Variants in DCDC2C observed in about 807,000 individuals in gnomAD.
DCDC2C encodes doublecortin domain-containing protein 2C.
Under a neutral mutation model 45.0 loss-of-function variants are expected in DCDC2C, and 44 were observed. The ratio of observed to expected loss-of-function variants is 0.98; its 90% CI spans 0.77 to 1.26. The LOEUF (loss-of-function observed/expected upper bound fraction) is 1.26, where lower values mean the gene tolerates loss of function less well. Ranked by LOEUF, DCDC2C falls within the 50% of genes most tolerant of loss-of-function variation. The pLI is 0.00. For synonymous variants in DCDC2C, 187 were observed against 178.8 expected, an observed-to-expected ratio of 1.05 and a Z score of -0.37; for missense variants, 447 against 468.9, an observed-to-expected ratio of 0.95 and a Z score of 0.43.
chr2:3,790,455 A>G (rs1189769998), intron 10 of DCDC2C, among the ~76,000 whole-genome samples: 1 of 152,116 alleles, frequency 6.6e-6, no homozygotes, highest in Non-Finnish European at 1.5e-5. Flanking sequence ...CATAACAATC[A>G]TTTCCTCTCC....
At chr2:3,840,573 T>C (rs1672189052) in intron 10 of DCDC2C, among the ~76,000 whole-genome samples, 1 of 152,236 alleles carries the variant, frequency 6.6e-6, no homozygotes, top group Admixed American at 6.5e-5. Context: ...CTCTCTAAAC[T>C]AGTCAAAATG....
In DCDC2C at chr2:3,734,116, A is replaced by G. The variant is rs1572570394; in HGVS notation, c.416+7037A>G. On this transcript the variant is annotated intron_variant, in intron 3 of 10. Coordinates refer to ENST00000399143, the MANE Select transcript of DCDC2C (RefSeq NM_001287444.2). This position sits in a 1 kb window ranked among gnomAD's most constrained non-coding sequence, Gnocchi z 4.2. Reference sequence around the variant, plus strand: ...TACCGGCTGCTGTCGTAAATCCCCCATTTCCGTGGCACACCAACATCACGT... The same window carrying G: ...TACCGGCTGCTGTCGTAAATCCCCCGTTTCCGTGGCACACCAACATCACGT... 6.6e-6 allele frequency among the ~76,000 whole-genome samples: 1 copy of G among 152,088 alleles called. No individual in the cohort carries two copies. The highest frequency in any genetic ancestry group is 6.5e-5 in the Admixed American group (1 of 15,274).
chr2:3,728,369 G>C (rs1668757821), intron 3 of DCDC2C, among the ~76,000 whole-genome samples: 1 of 152,186 alleles, frequency 6.6e-6, no homozygotes, highest in Admixed American at 6.5e-5. Context: ...GAGCTGTTTT[G>C]AAATAATAAG....
chr2:3,838,452 C>CAGAGAGAGAGAGAGAGAGAG (rs61141962), intron 10 of DCDC2C, among the ~76,000 whole-genome samples: 18 of 112,478 alleles, frequency 1.6e-4, no homozygotes, highest in East Asian at 1.4e-3. Flanking sequence ...AGGATCATGA[C>CAGAGAGAGAGAGAGAGAGAG]AGAGAGAGAG....
chr2:3,847,355 C>T lies in DCDC2C; in HGVS notation c.*172C>T. 2.5e-6 allele frequency: 1 copy of T among 397,794 alleles called. No homozygotes were observed. Among genetic ancestry groups the T allele is most frequent in the East Asian group, 3.6e-5 (1 of 27,536 alleles). The allele number at this position is 397,794 out of a possible 1,614,324, so 24.6% of individuals were successfully genotyped here. A position where few individuals can be genotyped will look rare whatever the true frequency, so the allele number is the denominator to read the frequency against. On this transcript the variant is annotated 3_prime_UTR_variant, in exon 11 of 11. Transcript: ENST00000399143. The stretch of plus-strand genomic sequence containing the variant: ...GAGGTTTCATAATTGAGCTCCATTT[C>T]TTCTTATTCCCTTTCTCAGTGATAT...
chr2:3,738,560 A>G (rs1196379770), intron 3 of DCDC2C, among the ~76,000 whole-genome samples: 1 of 149,236 alleles, frequency 6.7e-6, no homozygotes, highest in Non-Finnish European at 1.5e-5. Context: ...AAAAAAAAAA[A>G]AAAAAAAAAA....
At chr2:3,801,315 C>T (rs946488112) in intron 10 of DCDC2C, among the ~76,000 whole-genome samples, 1 of 152,204 alleles carries the variant, frequency 6.6e-6, no homozygotes, top group African/African-American at 2.4e-5. Context: ...TAACCTGTCC[C>T]AGGCCGTGGC....
chr2:3,791,774 C>A (rs140529615), intron 10 of DCDC2C, among the ~76,000 whole-genome samples: 1 of 152,326 alleles, frequency 6.6e-6, no homozygotes, highest in South Asian at 2.1e-4. Context: ...CCCCTCCCGC[C>A]GGCAGAATGT....
chr2:3,777,577 T>C (rs1382378524), intron 8 of DCDC2C, among the ~76,000 whole-genome samples: 1 of 152,242 alleles, frequency 6.6e-6, no homozygotes, highest in Admixed American at 6.5e-5. Flanking sequence ...AATGTGTTTT[T>C]ACAAAGCTTA....
intron 3 of DCDC2C, among the ~76,000 whole-genome samples, chr2:3,732,072 G>A (rs1264290159): frequency 2.6e-5 from 4 of 152,116 alleles, no homozygotes; most frequent in Admixed American, 6.5e-5. Context: ...AGTGATGACC[G>A]CACTAGGGAA....
chr2:3,760,780 G>A (rs573842603), intron 6 of DCDC2C, among the ~76,000 whole-genome samples: 1 of 151,852 alleles, frequency 6.6e-6, no homozygotes, highest in East Asian at 1.9e-4. Flanking sequence ...AACCACCATG[G>A]CACATGTATA....
intron 2 of DCDC2C, among the ~76,000 whole-genome samples, chr2:3,711,272 C>T (rs111682607): frequency 0.042 from 6,359 of 152,100 alleles, 462 homozygotes; most frequent in African/African-American, 0.15. Context: ...AGCATTTGGC[C>T]CAGCAATGCC....
intron 9 of DCDC2C, among the ~76,000 whole-genome samples, chr2:3,779,293 G>C (rs1169894732): frequency 6.6e-6 from 1 of 152,218 alleles, no homozygotes; most frequent in African/African-American, 2.4e-5. Context: ...GTCAGTGGCT[G>C]GTCCCGCCGG....
intron 10 of DCDC2C, among the ~76,000 whole-genome samples, chr2:3,841,858 C>T (rs1042509241): frequency 2.6e-5 from 4 of 152,146 alleles, no homozygotes; most frequent in South Asian, 2.1e-4. Context: ...CTATAACCCC[C>T]GCTTTTTTTT....
intron 2 of DCDC2C, among the ~76,000 whole-genome samples, chr2:3,720,221 G>A (rs1335380198): frequency 6.6e-6 from 1 of 152,218 alleles, no homozygotes. Context: ...AAGAATCGTT[G>A]CCAGCCATGG....
At chr2:3,783,734 G>A (rs1011756142) in intron 9 of DCDC2C, among the ~76,000 whole-genome samples, 12 of 152,242 alleles carry the variant, frequency 7.9e-5, no homozygotes, top group African/African-American at 2.4e-4. Flanking sequence ...GCCTGAGGCC[G>A]GAGTGTGGCC....
rs1369669076 is a variant in DCDC2C at position 3,752,865 on chromosome 2, C to A, written c.648C>A (p.Tyr216Ter). The A allele has an allele frequency of 1.3e-6, 2 of 1,550,580 alleles. No homozygotes were observed. Among genetic ancestry groups the A allele is most frequent in the Admixed American group, 3.9e-5 (2 of 51,010 alleles). ...TGGAGACCTTCAAATATTTTCCTTA[C>A]TGGAAGTCTCCAAGGGTGCCCAGTG... ...VGLETFKYFP[Y>*]WKSPRVPSEV... Residue 216 changes from tyrosine (Y) to a stop codon, truncating the protein, a stop_gained, in exon 5 of 11, where the codon TAC (tyrosine) becomes TAA (stop). Transcript: ENST00000399143. LOFTEE classifies it high-confidence loss of function.
intron 10 of DCDC2C, among the ~76,000 whole-genome samples, chr2:3,816,568 G>A (rs1671564393): frequency 6.6e-6 from 1 of 152,184 alleles, no homozygotes; most frequent in Non-Finnish European, 1.5e-5. Flanking sequence ...TAGTGTGGTG[G>A]AGATAGCTGA....
chr2:3,703,775 G>T lies in DCDC2C; in HGVS notation c.24G>T (p.Ala8=). The change falls in exon 1 of 11, where the codon GCG becomes GCT. Residue 8 remains alanine (A), a synonymous_variant. Transcript: ENST00000399143. This position sits in a 1 kb window ranked among gnomAD's most constrained non-coding sequence, Gnocchi z 4.4. MGTRGPS[A]PVDTTPAKTI... is the part of the protein sequence containing the mutation. Reference sequence around the variant, plus strand: ...CTATGGGAACCCGCGGGCCCTCCGCGCCGGTGGACACCACGCCCGCCAAGA... The same window carrying T: ...CTATGGGAACCCGCGGGCCCTCCGCTCCGGTGGACACCACGCCCGCCAAGA... 8 of 1,235,586 alleles carry T rather than the reference G, an allele frequency of 6.5e-6. No homozygotes were observed. Among genetic ancestry groups the T allele is most frequent in the Non-Finnish European group, 8.1e-6 (8 of 988,318 alleles). The allele number at this position is 1,235,586 out of a possible 1,614,324, so 76.5% of individuals were successfully genotyped here.
Sources: allele counts gnomAD v4.1 joint callset (sites outside exome capture counted in the v4.1 genomes callset), GRCh38; gene constraint gnomAD v4.1.1; non-coding constraint Gnocchi (gnomAD v3.1); transcripts MANE v1.5; gene names NCBI Gene and HGNC (gene_info 2026-07-23, HGNC 2026-07-21).